Variants in VWA8 observed in about 807,000 individuals in gnomAD.
VWA8 encodes von Willebrand factor A domain-containing protein 8.
Under a neutral mutation model 241.5 loss-of-function variants are expected in VWA8, and 221 were observed. The observed-to-expected ratio is 0.91, with a 90% CI of 0.82 to 1.02. VWA8 has a LOEUF of 1.02. Ranked by LOEUF, VWA8 falls within the 50% of genes least tolerant of loss-of-function variation. The probability of loss-of-function intolerance (pLI) is 0.00; values close to 1 mark genes in which losing one functional copy is unlikely to be tolerated. For synonymous variants in VWA8, 852 were observed against 827.1 expected (o/e 1.03, Z -0.52); for missense variants, 2,322 against 2,328.7 (o/e 1.00, Z 0.06).
chr13:41,730,815 A>G (rs1339201088), intron 22 of VWA8, among the ~76,000 whole-genome samples: 1 of 152,028 alleles, frequency 6.6e-6, no homozygotes, highest in African/African-American at 2.4e-5. Flanking sequence ...AAGAAAACAC[A>G]GATTAAGAAA....
At chr13:41,849,117 G>C (rs958531018) in intron 12 of VWA8, among the ~76,000 whole-genome samples, 91 of 152,236 alleles carry the variant, frequency 6.0e-4, no homozygotes, top group African/African-American at 2.0e-3. Context: ...ACTTCAAACA[G>C]CCTTGTTTCT....
intron 10 of VWA8, 50 bp from the exon 11 acceptor site, chr13:41,866,086 G>A (rs765491694): frequency 5.6e-5 from 90 of 1,595,564 alleles, no homozygotes; most frequent in East Asian, 9.0e-5. Flanking sequence ...GGTGGCTCAC[G>A]CCTATAATCC....
intron 26 of VWA8, 108 bp downstream of exon 26, chr13:41,719,483 G>A (rs1017522603): frequency 1.9e-6 from 3 of 1,566,580 alleles, no homozygotes; most frequent in Non-Finnish European, 2.6e-6. Flanking sequence ...TATTTGAAAA[G>A]CTTACTCATG....
At chr13:41,918,007 G>GT (rs1384205456) in intron 2 of VWA8, among the ~76,000 whole-genome samples, 1 of 152,138 alleles carries the variant, frequency 6.6e-6, no homozygotes, top group Non-Finnish European at 1.5e-5. Flanking sequence ...ACATTCTGTA[G>GT]TTAGATATAA....
intron 21 of VWA8, among the ~76,000 whole-genome samples, chr13:41,735,701 T>C (rs1406687906): frequency 2.6e-5 from 4 of 152,158 alleles, no homozygotes; most frequent in East Asian, 3.8e-4. Context: ...ACCCTCATTA[T>C]GTAAGTGGGA....
intron 36 of VWA8, among the ~76,000 whole-genome samples, chr13:41,671,387 A>T (rs1038646322): frequency 2.6e-5 from 4 of 151,590 alleles, no homozygotes; most frequent in African/African-American, 9.7e-5. Flanking sequence ...TCATGAATAT[A>T]AAAAAAAACC....
At chr13:41,573,633 TGA>T (rs1265499567) in intron 43 of VWA8, among the ~76,000 whole-genome samples, 4 of 117,106 alleles carry the variant, frequency 3.4e-5, no homozygotes, top group Non-Finnish European at 5.3e-5. Context: ...TGTGTGTGTG[TGA>T]GACAGAGTGT....
At chr13:41,708,543 G>A (rs772609815) in intron 26 of VWA8, among the ~76,000 whole-genome samples, 3 of 152,078 alleles carry the variant, frequency 2.0e-5, no homozygotes, top group Non-Finnish European at 4.4e-5. Flanking sequence ...ACAGGATGTT[G>A]GTAAATTAAT....
intron 35 of VWA8, among the ~76,000 whole-genome samples, chr13:41,680,572 T>A (rs1478501995): frequency 6.6e-6 from 1 of 152,220 alleles, no homozygotes. Context: ...AATAGGCAGT[T>A]CTTGGAAGAG....
In VWA8 at chr13:41,568,116, CA is replaced by C; in HGVS notation, c.*80del. On this transcript the variant is annotated 3_prime_UTR_variant, in exon 45 of 45. Transcript: ENST00000379310. ...AGTCACTGCATGGGTTCACTTCATC[CA>C]TATCTTCTTTTTTTCAGAATACTCT... 1 of 1,202,982 alleles carries C rather than the reference CA, an allele frequency of 8.3e-7. No homozygotes were observed. Among genetic ancestry groups the C allele is most frequent in the East Asian group, 2.3e-5 (1 of 42,700 alleles). The allele number at this position is 1,202,982 out of a possible 1,614,324, so 74.5% of individuals were successfully genotyped here.
rs758858374 is a variant in VWA8, at chr13:41,887,345, T to A, written c.668A>T (p.Glu223Val). ...TCGGACAATTTTCCAAGAATCCAAC[T>A]CTTTTTTGGTATGATCCTATAAAAG... ...DKLLRDHTKK[E>V]LDSWKIVRVS... is the part of the protein sequence containing the mutation. Residue 223 changes from glutamate to valine, a missense_variant, in exon 6 of 45, where the codon GAG becomes GTG. By Grantham distance (121) the Glu-to-Val change is moderately radical (BLOSUM62 -2). Transcript: ENST00000379310. 2 of 1,612,214 alleles carry A rather than the reference T, an allele frequency of 1.2e-6. No individual in the cohort carries two copies. Among genetic ancestry groups the A allele is most frequent in the African/African-American group, 2.7e-5 (2 of 74,692 alleles).
intron 2 of VWA8, among the ~76,000 whole-genome samples, chr13:41,930,254 G>C (rs564860125): frequency 2.0e-5 from 3 of 152,288 alleles, no homozygotes; most frequent in Non-Finnish European, 4.4e-5. Flanking sequence ...GTGGAGAAAA[G>C]AGTGCGCACT....
At chr13:41,784,747 T>TAC (rs1869101924) in intron 18 of VWA8, among the ~76,000 whole-genome samples, 6 of 103,524 alleles carry the variant, frequency 5.8e-5, no homozygotes, top group Non-Finnish European at 1.2e-4. Context: ...CATATATATA[T>TAC]ATATATATAT....
At chr13:41,926,514 C>T (rs1423397823) in intron 2 of VWA8, 1 of 533,674 alleles carries the variant, frequency 1.9e-6, no homozygotes, top group African/African-American at 1.9e-5. Flanking sequence ...GTTGGTGGCA[C>T]CAAGCAGATT....
In VWA8 at chr13:41,865,889, CTG is replaced by C; in HGVS notation, c.1347+11_1347+12del. ...AGGAAACTAAAAGTCTGCAGTGAGACTGTCATTCTTACCTTTCCTCCAATTAA... is the reference window on the plus strand; with the variant it reads ...AGGAAACTAAAAGTCTGCAGTGAGACTCATTCTTACCTTTCCTCCAATTAA... On this transcript the variant is annotated intron_variant, in intron 11 of 44. Transcript: ENST00000379310. The C allele has an allele frequency of 6.2e-7, 1 of 1,614,202 alleles. No individual in the cohort carries two copies. Among genetic ancestry groups the C allele is most frequent in the East Asian group, 2.2e-5 (1 of 44,888 alleles).
intron 39 of VWA8, among the ~76,000 whole-genome samples, chr13:41,607,122 A>C (rs1418646030): frequency 6.6e-6 from 1 of 152,176 alleles, no homozygotes; most frequent in African/African-American, 2.4e-5. Flanking sequence ...ATGTACTCTG[A>C]TGTTTTCTAT....
intron 17 of VWA8, among the ~76,000 whole-genome samples, chr13:41,790,909 A>G (rs372555572): frequency 1.2e-4 from 18 of 152,054 alleles, no homozygotes; most frequent in East Asian, 9.6e-4. Context: ...TGGCATAAAT[A>G]TATGAGTGAT....
chr13:41,869,319 A>C (rs879463674), intron 9 of VWA8, among the ~76,000 whole-genome samples: 1 of 152,082 alleles, frequency 6.6e-6, no homozygotes, highest in African/African-American at 2.4e-5. Flanking sequence ...AGGGGTCTCA[A>C]TATTTGTTGA....
chr13:41,801,194 C>T (rs1869943884), intron 17 of VWA8, among the ~76,000 whole-genome samples: 1 of 151,546 alleles, frequency 6.6e-6, no homozygotes, highest in Non-Finnish European at 1.5e-5. Flanking sequence ...GATTCAACTA[C>T]CAGGGCATAT....
Sources: allele counts gnomAD v4.1 joint callset (sites outside exome capture counted in the v4.1 genomes callset), GRCh38; gene constraint gnomAD v4.1.1; transcripts MANE v1.5; gene names NCBI Gene and HGNC (gene_info 2026-07-23, HGNC 2026-07-21).